Variants in MARCHF1 observed in about 807,000 individuals in gnomAD.
MARCHF1 encodes the protein E3 ubiquitin-protein ligase MARCHF1.
A neutral mutation model predicts 54.2 loss-of-function variants in MARCHF1; 40 were observed. The observed-to-expected ratio is 0.74, with a 90% CI of 0.57 to 0.96. The LOEUF (loss-of-function observed/expected upper bound fraction) is 0.96. Among genes scored for constraint, MARCHF1 ranks in the 40% least tolerant of loss-of-function variants. The pLI is 0.00. For synonymous variants in MARCHF1, 236 were observed against 236.3 expected (o/e 1.00, Z 0.01); for missense variants, 586 against 656.5 (o/e 0.89, Z 1.17).
At chr4:164,040,308 ACT>A (rs1254325035) in intron 2 of MARCHF1, among the ~76,000 whole-genome samples, 5 of 116,494 alleles carry the variant, frequency 4.3e-5, no homozygotes, top group Non-Finnish European at 8.6e-5. Context: ...AAGTACATAT[ACT>A]TATAAATATG....
chr4:164,156,726 C>T (rs1730087692), intron 1 of MARCHF1, among the ~76,000 whole-genome samples: 1 of 152,126 alleles, frequency 6.6e-6, no homozygotes, highest in South Asian at 2.1e-4. Context: ...ACCATGCCCG[C>T]CCTTAATTCT....
chr4:164,047,059 A>G (rs1247918874), intron 2 of MARCHF1, among the ~76,000 whole-genome samples: 2 of 152,218 alleles, frequency 1.3e-5, no homozygotes, highest in Non-Finnish European at 2.9e-5. Context: ...GTCATTATGT[A>G]TAAATACTTA....
chr4:163,569,096 T>C (rs1026948860), intron 8 of MARCHF1, among the ~76,000 whole-genome samples: 1 of 152,126 alleles, frequency 6.6e-6, no homozygotes, highest in South Asian at 2.1e-4. Context: ...CAAATAGTTA[T>C]CACTGGATCA....
chr4:163,970,747 A>G (rs989487918), intron 3 of MARCHF1, among the ~76,000 whole-genome samples: 1 of 152,218 alleles, frequency 6.6e-6, no homozygotes, highest in Admixed American at 6.5e-5. Context: ...GACTCTTAAC[A>G]TTCAATATTT....
At chr4:163,926,881 G>A (rs1374659333) in intron 3 of MARCHF1, among the ~76,000 whole-genome samples, 1 of 151,424 alleles carries the variant, frequency 6.6e-6, no homozygotes, top group Non-Finnish European at 1.5e-5. Context: ...AATTCAGAGA[G>A]TGCTAGCAAA....
chr4:164,230,294 C>A (rs1411604396), intron 1 of MARCHF1, among the ~76,000 whole-genome samples: 1 of 151,658 alleles, frequency 6.6e-6, no homozygotes, highest in African/African-American at 2.4e-5. Flanking sequence ...ACTCAGGAGG[C>A]TGACACAGGA....
intron 4 of MARCHF1, among the ~76,000 whole-genome samples, chr4:163,807,007 A>G (rs1309730128): frequency 6.6e-6 from 1 of 152,220 alleles, no homozygotes; most frequent in Non-Finnish European, 1.5e-5. Context: ...AGATGCCACA[A>G]AAGAGTATCA....
At chr4:163,636,025 C>T (rs993073712) in intron 5 of MARCHF1, among the ~76,000 whole-genome samples, 1 of 152,110 alleles carries the variant, frequency 6.6e-6, no homozygotes, top group East Asian at 1.9e-4. Context: ...GCAGAAAAGG[C>T]CTTTGACAAA....
chr4:163,948,003 A>G (rs1752057030), intron 3 of MARCHF1, among the ~76,000 whole-genome samples: 2 of 152,196 alleles, frequency 1.3e-5, no homozygotes, highest in Admixed American at 6.5e-5. Context: ...AGATTTCTCT[A>G]CTTTTAATCA....
intron 1 of MARCHF1, among the ~76,000 whole-genome samples, chr4:164,161,545 T>TCAGCAGCAGCAG (rs36007870): frequency 6.6e-6 from 1 of 150,788 alleles, no homozygotes; most frequent in South Asian, 2.1e-4. Context: ...ATCATCATCA[T>TCAGCAGCAGCAG]CAGCAGCAGC....
chr4:163,652,673 A>G (rs1560999694), intron 5 of MARCHF1, among the ~76,000 whole-genome samples: 1 of 151,852 alleles, frequency 6.6e-6, no homozygotes, highest in Non-Finnish European at 1.5e-5. Context: ...CCTTGACCGT[A>G]TCTTTCAATA....
At chr4:163,887,964 T>C (rs1274296214) in intron 3 of MARCHF1, among the ~76,000 whole-genome samples, 2 of 152,192 alleles carry the variant, frequency 1.3e-5, no homozygotes, top group Admixed American at 6.5e-5. Context: ...TATTTCACAA[T>C]GATATAAAGT....
intron 1 of MARCHF1, among the ~76,000 whole-genome samples, chr4:164,267,723 C>A (rs1733644893): frequency 6.6e-6 from 1 of 152,072 alleles, no homozygotes; most frequent in Admixed American, 6.6e-5. Context: ...GAGATTCTCA[C>A]ATAAGTACTA....
chr4:164,214,976 C>A (rs1300750129), intron 1 of MARCHF1, among the ~76,000 whole-genome samples: 1 of 152,150 alleles, frequency 6.6e-6, no homozygotes, highest in Non-Finnish European at 1.5e-5. Flanking sequence ...TCTGACCCCA[C>A]GGCAGTGTCT....
At chr4:163,890,758 C>G (rs1331088757) in intron 3 of MARCHF1, among the ~76,000 whole-genome samples, 1 of 151,958 alleles carries the variant, frequency 6.6e-6, no homozygotes. Flanking sequence ...ATCTGCCTGC[C>G]TTGGCCTCCC....
intron 4 of MARCHF1, among the ~76,000 whole-genome samples, chr4:163,814,245 G>T (rs1046999022): frequency 3.9e-5 from 6 of 152,112 alleles, no homozygotes; most frequent in African/African-American, 1.4e-4. Context: ...AATAGTCTGG[G>T]CTTCTGGAGC....
intron 1 of MARCHF1, among the ~76,000 whole-genome samples, chr4:164,290,537 T>G (rs1734262037): frequency 6.6e-6 from 1 of 151,966 alleles, no homozygotes; most frequent in African/African-American, 2.4e-5. Context: ...AGAAAAAAAT[T>G]GTTTCAGAAG....
chr4:164,188,321 T>C (rs1025789835), intron 1 of MARCHF1: 53 of 383,192 alleles, frequency 1.4e-4, no homozygotes, highest in Middle Eastern at 7.9e-4. Flanking sequence ...TGCGCTCCTG[T>C]GCTGCGGCCG....
intron 8 of MARCHF1, among the ~76,000 whole-genome samples, chr4:163,566,026 C>T (rs1739633734): frequency 6.6e-6 from 1 of 152,168 alleles, no homozygotes; most frequent in African/African-American, 2.4e-5. Context: ...CATTATTGAA[C>T]ATGCTTGTTT....
Sources: allele counts gnomAD v4.1 joint callset (sites outside exome capture counted in the v4.1 genomes callset), GRCh38; gene constraint gnomAD v4.1.1; transcripts MANE v1.5; gene names NCBI Gene and HGNC (gene_info 2026-07-23, HGNC 2026-07-21).